The following HAPLN2 variants were observed in gnomAD, a reference collection of about 807,000 sequenced individuals.
HAPLN2 encodes brain link protein-1.
In HAPLN2, 27 loss-of-function variants were observed where a neutral mutation model predicts 29.3. The ratio of observed to expected loss-of-function variants is 0.92; its 90% CI spans 0.68 to 1.27. HAPLN2 has a LOEUF of 1.27. Ranked by LOEUF, HAPLN2 falls within the 50% of genes most tolerant of loss-of-function variation. HAPLN2 has a pLI of 0.00. For synonymous variants in HAPLN2, 208 were observed against 211.7 expected (o/e 0.98, Z 0.15); for missense variants, 454 against 484.3 (o/e 0.94, Z 0.59).
intron 2 of HAPLN2, among the ~76,000 whole-genome samples, chr1:156,621,705 C>G (rs1237741107): frequency 1.6e-5 from 2 of 127,028 alleles, no homozygotes; most frequent in African/African-American, 6.0e-5. Context: ...GCCTGGGCAA[C>G]AAGAGTGAAA....
chr1:156,615,315 T>C (rs914918433), upstream of HAPLN2: 1 of 152,200 alleles, frequency 6.6e-6, no homozygotes, highest in Admixed American at 6.5e-5. Flanking sequence ...CAGGCCTCTA[T>C]ATATGGCCAG....
chr1:156,611,765 A>G, the HAPLN2 span, among the ~76,000 whole-genome samples: 1 of 152,174 alleles, frequency 6.6e-6, no homozygotes, highest in African/African-American at 2.4e-5. Context: ...TGAGCCAAGC[A>G]CTGTTCTGCT....
chr1:156,624,284 C>G (rs1430788579), intron 4 of HAPLN2, 67 bp from the exon 5 acceptor site: 1 of 1,512,106 alleles, frequency 6.6e-7, no homozygotes, highest in Non-Finnish European at 9.0e-7. Flanking sequence ...TCTCCCAGGC[C>G]GCGCCGCCCT....
the HAPLN2 span, among the ~76,000 whole-genome samples, chr1:156,609,873 C>G: frequency 6.6e-6 from 1 of 152,054 alleles, no homozygotes; most frequent in Admixed American, 6.6e-5. Context: ...TGCAATTTTC[C>G]TATAGAACAA....
chr1:156,625,065 C>T lies in HAPLN2; in HGVS notation c.740-36C>T, dbSNP rs758085047. 1 of 1,531,354 alleles carries T rather than the reference C, an allele frequency of 6.5e-7. No individual in the cohort carries two copies. Among genetic ancestry groups the T allele is most frequent in the Admixed American group, 2.0e-5 (1 of 49,926 alleles). The allele number at this position is 1,531,354 out of a possible 1,614,324, so 94.9% of individuals were successfully genotyped here. A position where few individuals can be genotyped will look rare whatever the true frequency, so the allele number is the denominator to read the frequency against. ...GGTGTCAGCCGCCCCTCTCCGCCCACCCTGCCCTCGGTCGGTGACCCGCTG... is the reference window on the plus strand; with the variant it reads ...GGTGTCAGCCGCCCCTCTCCGCCCATCCTGCCCTCGGTCGGTGACCCGCTG... On this transcript the variant is annotated intron_variant, in intron 6 of 6. Transcript: ENST00000255039. The surrounding 1 kb of genome is among the most constrained non-coding windows in gnomAD (Gnocchi z 5.7).
At chr1:156,602,194 C>T in the HAPLN2 span, among the ~76,000 whole-genome samples, 4 of 152,168 alleles carry the variant, frequency 2.6e-5, no homozygotes, top group African/African-American at 4.8e-5. Flanking sequence ...CACACCTCGG[C>T]TTCCCAAAGT....
intron 2 of HAPLN2, among the ~76,000 whole-genome samples, chr1:156,620,801 T>C (rs184234206): frequency 4.8e-4 from 73 of 152,324 alleles, no homozygotes; most frequent in Admixed American, 9.2e-4. Context: ...TACACACTTA[T>C]TTAGCACCTA....
Position 156,625,503 on chromosome 1 carries a change from C to A in HAPLN2, c.*119C>A. On this transcript the variant is annotated 3_prime_UTR_variant, in exon 7 of 7. Transcript: ENST00000255039. The surrounding 1 kb of genome is among the most constrained non-coding windows in gnomAD (Gnocchi z 5.7). ...CCAGACCCGGAGCGGCCTCTCCAGA[C>A]CTGCCTTCCCAGCCGGGGGCTGCGG... is the stretch of plus-strand genomic sequence containing the variant. 3 of 1,061,528 alleles carry A rather than the reference C, an allele frequency of 2.8e-6. No individual in the cohort carries two copies. The highest frequency in any genetic ancestry group is 3.8e-6 in the Non-Finnish European group (3 of 782,792). 65.8% of individuals were successfully genotyped at this position (1,061,528 alleles called of 1,614,324 possible).
intron 2 of HAPLN2, among the ~76,000 whole-genome samples, chr1:156,622,743 T>A (rs1571418905): frequency 6.6e-6 from 1 of 152,080 alleles, no homozygotes; most frequent in African/African-American, 2.4e-5. Context: ...AGATTGGATT[T>A]TATCCTCAGG....
At chr1:156,611,137 G>A in the HAPLN2 span, among the ~76,000 whole-genome samples, 1 of 151,904 alleles carries the variant, frequency 6.6e-6, no homozygotes, top group Non-Finnish European at 1.5e-5. Context: ...ACAAAAATCA[G>A]CTAGGCATGG....
chr1:156,610,827 A>C, the HAPLN2 span, among the ~76,000 whole-genome samples: 1 of 152,232 alleles, frequency 6.6e-6, no homozygotes, highest in Admixed American at 6.5e-5. Context: ...GGTGAGAAGA[A>C]AGAAAGAAAA....
the HAPLN2 span, among the ~76,000 whole-genome samples, chr1:156,604,820 C>A: frequency 0.052 from 7,982 of 152,076 alleles, 297 homozygotes; most frequent in African/African-American, 0.1. Flanking sequence ...TGGAAAGATA[C>A]CCTGTGTTCA....
At position 156,624,665 on chromosome 1, in the gene HAPLN2, T is replaced by C. The variant is rs763079436; in HGVS notation, c.621T>C (p.Pro207=). The part of the protein sequence containing the change: ...GWLLEGSVRY[P]VLTARAPCGG... ...TGCTCGAGGGCTCCGTGCGCTACCC[T>C]GTGCTCACCGCACGCGCCCCGTGCG... The change falls in exon 6 of 7, where the codon CCT becomes CCC. Residue 207 remains proline (P), a synonymous_variant. Coordinates refer to ENST00000255039, the MANE Select transcript of HAPLN2 (RefSeq NM_021817.3). 1 of 1,609,266 alleles carries C rather than the reference T, an allele frequency of 6.2e-7. No individual in the cohort carries two copies. The highest frequency in any genetic ancestry group is 1.3e-5 in the African/African-American group (1 of 74,900).
At chr1:156,615,993 C>T (rs1276095174), upstream of HAPLN2, among the ~76,000 whole-genome samples, 1 of 152,082 alleles carries the variant, frequency 6.6e-6, no homozygotes, top group Non-Finnish European at 1.5e-5. Flanking sequence ...AGAGCCATGC[C>T]TTTTAAAGTC....
rs774282053 is a variant in HAPLN2 at position 156,624,335 on chromosome 1, C to A, written c.440-16C>A. 8.8e-6 allele frequency: 14 copies of A among 1,586,750 alleles called. No homozygotes were observed. Among genetic ancestry groups the A allele is most frequent in the Non-Finnish European group, 1.2e-5 (14 of 1,165,190 alleles). On this transcript the variant is annotated splice_polypyrimidine_tract_variant and intron_variant, in intron 4 of 6. Coordinates refer to ENST00000255039, the MANE Select transcript of HAPLN2 (RefSeq NM_021817.3). Reference sequence around the variant, plus strand: ...CCCATCCGCTGGCCCTCCCCAGGATCCCCGCCACCCCCTAGGTGTGGTGTT... The same window carrying A: ...CCCATCCGCTGGCCCTCCCCAGGATACCCGCCACCCCCTAGGTGTGGTGTT...
At chr1:156,622,920 G>C (rs1243916571) in intron 2 of HAPLN2, among the ~76,000 whole-genome samples, 1 of 151,736 alleles carries the variant, frequency 6.6e-6, no homozygotes, top group Non-Finnish European at 1.5e-5. Flanking sequence ...TGTAGTTCCA[G>C]CTACTCAGGA....
chr1:156,603,144 A>G, the HAPLN2 span, among the ~76,000 whole-genome samples: 4,177 of 151,600 alleles, frequency 0.028, 96 homozygotes, highest in African/African-American at 0.064. Context: ...GATGGATTCA[A>G]CAGAGAAACA....
chr1:156,624,909 G>T (rs1678396494), intron 6 of HAPLN2, 126 bp downstream of exon 6: 2 of 1,000,422 alleles, frequency 2.0e-6, no homozygotes, highest in Non-Finnish European at 1.4e-6. Context: ...CCCCCCATCA[G>T]CCCGCCCGCC....
the HAPLN2 span, among the ~76,000 whole-genome samples, chr1:156,602,481 G>C: frequency 7.0e-6 from 1 of 143,792 alleles, no homozygotes; most frequent in Non-Finnish European, 1.5e-5. Context: ...GCCAAGACAG[G>C]CAGATAGCTT....
Sources: allele counts gnomAD v4.1 joint callset (sites outside exome capture counted in the v4.1 genomes callset), GRCh38; gene constraint gnomAD v4.1.1; non-coding constraint Gnocchi (gnomAD v3.1); transcripts MANE v1.5; gene names NCBI Gene and HGNC (gene_info 2026-07-23, HGNC 2026-07-21).